CECR2: variants seen among roughly 807,000 people sequenced by gnomAD.
CECR2 encodes CECR2 histone acetyl-lysine reader, also known as chromatin remodeling regulator CECR2.
CECR2 carries 30 observed loss-of-function variants against 154.5 expected under a neutral mutation model. The ratio of observed to expected loss-of-function variants is 0.19; its 90% confidence interval spans 0.15 to 0.26. The LOEUF (loss-of-function observed/expected upper bound fraction) is 0.26, where lower values mean the gene tolerates loss of function less well. CECR2 is among the 10% of genes least tolerant of loss of function. The probability of loss-of-function intolerance (pLI) is 1.00; values close to 1 mark genes in which losing one functional copy is unlikely to be tolerated. For missense variants in CECR2, 1,743 were observed against 1,829.3 expected, an observed-to-expected ratio of 0.95 and a Z score of 0.86; for synonymous variants, 725 against 683.7, an observed-to-expected ratio of 1.06 and a Z score of -0.94.
intron 1 of CECR2, among the ~76,000 whole-genome samples, chr22:17,432,628 CTTGT>C (rs1393624484): frequency 6.6e-6 from 1 of 152,146 alleles, no homozygotes; most frequent in African/African-American, 2.4e-5. Context: ...CTCGCCAACA[CTTGT>C]TTTTTATTTT....
chr22:17,421,121 T>C (rs1013598280), intron 1 of CECR2, among the ~76,000 whole-genome samples: 3 of 152,208 alleles, frequency 2.0e-5, no homozygotes, highest in Non-Finnish European at 4.4e-5. Flanking sequence ...TTTAGCCTCA[T>C]TCATTCTCCA....
intron 9 of CECR2, among the ~76,000 whole-genome samples, chr22:17,526,745 G>A (rs1008417548): frequency 1.5e-4 from 21 of 139,418 alleles, no homozygotes; most frequent in African/African-American, 5.3e-4. Context: ...GGCAGCAGAG[G>A]TTGCAGTGAG....
intron 2 of CECR2, among the ~76,000 whole-genome samples, chr22:17,495,567 TAAAAA>T (rs35952986): frequency 8.0e-6 from 1 of 124,810 alleles, no homozygotes. Context: ...AAAACTCCAT[TAAAAA>T]AAAAAAAAAA....
chr22:17,431,468 A>C (rs1188853003), intron 1 of CECR2, among the ~76,000 whole-genome samples: 2 of 152,190 alleles, frequency 1.3e-5, no homozygotes, highest in Non-Finnish European at 2.9e-5. Flanking sequence ...CACTCTTCAA[A>C]ACATATATTT....
chr22:17,457,755 G>A (rs1308200818), intron 1 of CECR2, among the ~76,000 whole-genome samples: 1 of 152,174 alleles, frequency 6.6e-6, no homozygotes, highest in African/African-American at 2.4e-5. Context: ...AAACCCAGAT[G>A]TCCTTCAGTT....
chr22:17,558,019 A>C lies in CECR2; in HGVS notation c.*5179A>C, dbSNP rs1219638698. ...CACTGAGAGCGACACTTACCTCAAT[A>C]GTTAGTTCAATATTGTGTGTTGGAT... On this transcript the variant is annotated 3_prime_UTR_variant, in exon 19 of 19. Coordinates refer to ENST00000262608, the MANE Select transcript of CECR2 (RefSeq NM_001290047.2). The C allele has an allele frequency of 6.6e-6, 1 of 152,234 alleles. No individual in the cohort carries two copies. Among genetic ancestry groups the C allele is most frequent in the African/African-American group, 2.4e-5 (1 of 41,460 alleles). The allele number at this position is 152,234 out of a possible 1,614,324, so 9.4% of individuals were successfully genotyped here. A position where few individuals can be genotyped will look rare whatever the true frequency, so the allele number is the denominator to read the frequency against.
chr22:17,446,170 C>T (rs1422431627), intron 1 of CECR2, among the ~76,000 whole-genome samples: 1 of 152,050 alleles, frequency 6.6e-6, no homozygotes, highest in Non-Finnish European at 1.5e-5. Context: ...TCTGTGCACA[C>T]TGAAAAACAC....
intron 2 of CECR2, among the ~76,000 whole-genome samples, chr22:17,494,526 C>G (rs900651679): frequency 9.9e-5 from 15 of 152,108 alleles, no homozygotes; most frequent in Non-Finnish European, 2.1e-4. Context: ...GGCCGGTGCT[C>G]GTGTGCTGAA....
rs1355741660 is a variant in CECR2 at position 17,466,785 on chromosome 22, G to A, written c.127-10803G>A. ...AATTTTTGTATTTTTAGTAGAGACA[G>A]GGTTTCACATGTTGGTCAGGCTGGT... On this transcript the variant is annotated intron_variant, in intron 1 of 18. Coordinates refer to ENST00000262608, the MANE Select transcript of CECR2 (RefSeq NM_001290047.2). 2.6e-5 allele frequency among the ~76,000 whole-genome samples: 4 copies of A among 152,126 alleles called. No homozygotes were observed. The East Asian group carries it at 7.7e-4, about 29-fold the overall frequency.
At chr22:17,378,219 G>A (rs1401956444) in intron 1 of CECR2, among the ~76,000 whole-genome samples, 3 of 150,150 alleles carry the variant, frequency 2.0e-5, no homozygotes, top group South Asian at 2.1e-4. Context: ...TCCTAACCTT[G>A]TGATCCGCCC....
At chr22:17,523,041 C>T (rs2056186325) in intron 8 of CECR2, among the ~76,000 whole-genome samples, 1 of 151,642 alleles carries the variant, frequency 6.6e-6, no homozygotes, top group Non-Finnish European at 1.5e-5. Flanking sequence ...TAGGCAAGAT[C>T]GTCTCTAAAT....
chr22:17,507,291 G>C (rs1490317085), intron 7 of CECR2, among the ~76,000 whole-genome samples: 2 of 152,182 alleles, frequency 1.3e-5, no homozygotes, highest in African/African-American at 4.8e-5. Flanking sequence ...GGATGATCCA[G>C]AAAACCTCCG....
At chr22:17,468,421 T>A (rs2055069205) in intron 1 of CECR2, among the ~76,000 whole-genome samples, 1 of 152,200 alleles carries the variant, frequency 6.6e-6, no homozygotes, top group Non-Finnish European at 1.5e-5. Context: ...GGCTCACGCC[T>A]GTAATCCCAG....
At chr22:17,422,227 T>TG (rs2054266650) in intron 1 of CECR2, among the ~76,000 whole-genome samples, 1 of 152,208 alleles carries the variant, frequency 6.6e-6, no homozygotes, top group Admixed American at 6.5e-5. Flanking sequence ...AGACGGAGTC[T>TG]CACTCTGTGG....
chr22:17,509,850 C>T (rs2055910437), intron 7 of CECR2, among the ~76,000 whole-genome samples: 1 of 152,272 alleles, frequency 6.6e-6, no homozygotes, highest in Admixed American at 6.5e-5. Context: ...TGACGTTAAT[C>T]CTTCTCTGTC....
chr22:17,541,725 T>G, intron 14 of CECR2, 114 bp from the exon 15 acceptor site: 2 of 1,299,874 alleles, frequency 1.5e-6, no homozygotes, highest in South Asian at 1.5e-5. Flanking sequence ...CCAGCCGAGG[T>G]TTAGTCGTCT....
At chr22:17,445,541 A>G (rs962828023) in intron 1 of CECR2, among the ~76,000 whole-genome samples, 6 of 123,950 alleles carry the variant, frequency 4.8e-5, no homozygotes, top group African/African-American at 1.8e-4. Context: ...TCTGCTCTAT[A>G]CTTTATTATT....
chr22:17,545,391 A>G (rs1047696510), intron 16 of CECR2, among the ~76,000 whole-genome samples: 2 of 145,302 alleles, frequency 1.4e-5, no homozygotes, highest in South Asian at 4.2e-4. Context: ...AAAAAAAAAA[A>G]AAAAAAGAAA....
chr22:17,505,897 T>A (rs140892267), intron 7 of CECR2, among the ~76,000 whole-genome samples: 57 of 141,472 alleles, frequency 4.0e-4, no homozygotes, highest in African/African-American at 1.4e-3. Context: ...CAGACTGGAA[T>A]GCAGTAGTGT....
Sources: gnomAD v4.1 joint callset for allele counts (sites outside exome capture counted in the v4.1 genomes callset) on GRCh38, gnomAD v4.1.1 for gene constraint, MANE v1.5 for transcripts, NCBI Gene and HGNC (gene_info 2026-07-23, HGNC 2026-07-21) for gene names.